SMS: variants seen among roughly 807,000 people sequenced by gnomAD.
The protein encoded by SMS is spermine synthase, also known as spermidine aminopropyltransferase.
Under a neutral mutation model 33.0 loss-of-function variants are expected in SMS, and 3 were observed. The observed-to-expected ratio is 0.09, with a 90% CI of 0.04 to 0.23. SMS has a LOEUF of 0.23. Among genes scored for constraint, SMS ranks in the 10% least tolerant of loss-of-function variants. The pLI, the probability that SMS is intolerant of heterozygous loss-of-function variation, is 1.00. For synonymous variants in SMS, 103 were observed against 112.2 expected, an observed-to-expected ratio of 0.92 and a Z score of 0.52; for missense variants, 117 against 288.6, an observed-to-expected ratio of 0.41 and a Z score of 4.31.
chrX:21,952,177 C>T (rs1922648916), intron 1 of SMS, among the ~76,000 whole-genome samples: 1 of 111,634 alleles, frequency 9.0e-6, no homozygotes, highest in South Asian at 3.7e-4. Flanking sequence ...TGAGAACAGA[C>T]ATCCTTGCCT....
rs1260210326 is a variant in SMS at position 21,980,429 on chromosome X, A to AAAATATATATAT, written c.750+1464_750+1465insAATATATATATA. ...GAGACTGTCTCCAAAAAAAAAAAAA[A>AAAATATATATAT]ATATATATATATATATATATATATT... On this transcript the variant is annotated intron_variant, in intron 7 of 10. Transcript: ENST00000404933. Among the ~76,000 whole-genome samples the AAAATATATATAT allele has an allele frequency of 1.4e-3, 90 of 63,027 alleles. 1 individual carries two copies. Among genetic ancestry groups the AAAATATATATAT allele is most frequent in the East Asian group, 2.0e-3 (3 of 1,538 alleles). The allele number at this position is 63,027 out of a possible 115,157, so 54.7% of individuals were successfully genotyped here.
chrX:21,940,723 C>A lies in SMS; in HGVS notation c.-102C>A. The A allele has an allele frequency of 1.5e-6, 1 of 675,148 alleles. No individual in the cohort carries two copies. Among genetic ancestry groups the A allele is most frequent in the Non-Finnish European group, 2.1e-6 (1 of 466,060 alleles). The allele number at this position is 675,148 out of a possible 1,213,427, so 55.6% of individuals were successfully genotyped here. A position where few individuals can be genotyped will look rare whatever the true frequency, so the allele number is the denominator to read the frequency against. On this transcript the variant is annotated 5_prime_UTR_variant, in exon 1 of 11. Coordinates refer to ENST00000404933, the MANE Select transcript of SMS (RefSeq NM_004595.5). ...TCCCACCTCCTAGTCCTGGCCTCCC[C>A]GGGCGCAGCACACTCCCAGCCGGCC...
chrX:21,994,575 C>T lies in SMS; in HGVS notation c.*224C>T, dbSNP rs759812669. 3.0e-4 allele frequency: 294 copies of T among 996,049 alleles called. No homozygotes were observed. Among genetic ancestry groups the T allele is most frequent in the Non-Finnish European group, 3.6e-4 (284 of 793,414 alleles). 82.1% of individuals were successfully genotyped at this position (996,049 alleles called of 1,213,427 possible). A position where few individuals can be genotyped will look rare whatever the true frequency, so the allele number is the denominator to read the frequency against. On this transcript the variant is annotated 3_prime_UTR_variant, in exon 11 of 11. Transcript: ENST00000404933. The stretch of plus-strand genomic sequence containing the variant: ...GCTGAAGGATGGTTAGACAGCACAG[C>T]GAAGACTGCTAAATGCACTGACCCC...
chrX:21,978,868 G>A lies in SMS; in HGVS notation c.661-9G>A. On this transcript the variant is annotated splice_polypyrimidine_tract_variant and intron_variant, in intron 6 of 10. Coordinates refer to ENST00000404933, the MANE Select transcript of SMS (RefSeq NM_004595.5). ...GATATACCCAAATTCTCCTTAACCT[G>A]TTGCGGACATTGACCAAATGGTGAT... 1 of 1,178,665 alleles carries A rather than the reference G, an allele frequency of 8.5e-7. No homozygotes were observed. Among genetic ancestry groups the A allele is most frequent in the South Asian group, 1.8e-5 (1 of 56,260 alleles).
At chrX:21,944,546 G>GAGA (rs1922074656) in intron 1 of SMS, among the ~76,000 whole-genome samples, 1 of 66,664 alleles carries the variant, frequency 1.5e-5, no homozygotes, top group Non-Finnish European at 2.9e-5. Flanking sequence ...AAAAAAAAAA[G>GAGA]AAAAAAAATT....
Position 21,954,883 on chromosome X carries a change from A to G in SMS, c.50-12313A>G, listed in dbSNP as rs765495302. Among the ~76,000 whole-genome samples, 8 of 111,118 alleles carry G rather than the reference A, an allele frequency of 7.2e-5. No individual in the cohort carries two copies. In the East Asian group the frequency reaches 2.3e-3, roughly 32 times the overall value. Reference sequence around the variant, plus strand: ...AGACAGTCTTGCTCTGTTGCCCAGGATGAAGTGCAGTGGCGTGATCTTGGC... The same window carrying G: ...AGACAGTCTTGCTCTGTTGCCCAGGGTGAAGTGCAGTGGCGTGATCTTGGC... On this transcript the variant is annotated intron_variant, in intron 1 of 10. Coordinates refer to ENST00000404933, the MANE Select transcript of SMS (RefSeq NM_004595.5).
At chrX:21,987,162 A>AT (rs1925404887) in intron 9 of SMS, among the ~76,000 whole-genome samples, 1 of 109,755 alleles carries the variant, frequency 9.1e-6, no homozygotes, top group Non-Finnish European at 1.9e-5. Flanking sequence ...CGCCCGGCTG[A>AT]TTTTTTGTAT....
At chrX:21,962,662 T>G (rs1392255621) in intron 1 of SMS, among the ~76,000 whole-genome samples, 1 of 111,421 alleles carries the variant, frequency 9.0e-6, no homozygotes, top group Non-Finnish European at 1.9e-5. Context: ...GTGATTATTA[T>G]TACTTATTTT....
intron 9 of SMS, among the ~76,000 whole-genome samples, chrX:21,990,237 C>T (rs1925668509): frequency 8.9e-6 from 1 of 112,257 alleles, no homozygotes; most frequent in African/African-American, 3.2e-5. Context: ...GAGTTTGAGG[C>T]TGCACTGAGC....
chrX:21,992,834 G>C, intron 10 of SMS, 122 bp downstream of exon 10: 1 of 427,328 alleles, frequency 2.3e-6, no homozygotes, highest in Non-Finnish European at 4.1e-6. Context: ...ATAAAGCCCT[G>C]GTTCTCCAGC....
intron 1 of SMS, among the ~76,000 whole-genome samples, chrX:21,946,399 C>A (rs1922232925): frequency 8.9e-6 from 1 of 112,759 alleles, no homozygotes; most frequent in Non-Finnish European, 1.9e-5. Context: ...GCCACAGGGG[C>A]TAAGTGCCCT....
At chrX:21,990,953 G>T (rs1244697438) in intron 9 of SMS, among the ~76,000 whole-genome samples, 1 of 112,042 alleles carries the variant, frequency 8.9e-6, no homozygotes, top group African/African-American at 3.3e-5. Flanking sequence ...CTAGATGATG[G>T]GTTACTAAAC....
At chrX:21,959,892 T>C in intron 1 of SMS, 1 of 752,968 alleles carries the variant, frequency 1.3e-6, no homozygotes, top group Non-Finnish European at 1.6e-6. Context: ...GCACACCATC[T>C]TCCCGTGGAG....
At position 21,972,503 on chromosome X, in the gene SMS, G is replaced by A. The variant is rs1163042609; in HGVS notation, c.265-4G>A. On this transcript the variant is annotated splice_polypyrimidine_tract_variant and splice_region_variant and intron_variant, in intron 3 of 10. Transcript: ENST00000404933. The stretch of plus-strand genomic sequence containing the variant: ...AAGCCCATTGATTTTTCTTTTAATT[G>A]TAGATTTTGAACAAAGTAGAGGAAA... The A allele has an allele frequency of 2.6e-6, 3 of 1,163,631 alleles. No homozygotes were observed. Among genetic ancestry groups the A allele is most frequent in the African/African-American group, 3.6e-5 (2 of 56,259 alleles).
rs769145339 is a variant in SMS at position 21,965,738 on chromosome X, A to G, written c.50-1458A>G. Among the ~76,000 whole-genome samples the G allele has an allele frequency of 2.9e-4, 32 of 108,779 alleles. No individual in the cohort carries two copies. The East Asian group carries it at 8.5e-3, about 29-fold the overall frequency. 94.5% of individuals were successfully genotyped at this position (108,779 alleles called of 115,157 possible). On this transcript the variant is annotated intron_variant, in intron 1 of 10. Transcript: ENST00000404933. ...ACTCCAGCCTGGGCTACAGAGCCAG[A>G]CTCTGTCTCAAAATAAAATAAAATA...
At chrX:21,983,044 A>T (rs867928867) in intron 7 of SMS, among the ~76,000 whole-genome samples, 69 of 109,881 alleles carry the variant, frequency 6.3e-4, no homozygotes, top group Non-Finnish European at 8.9e-4. Context: ...ACTTTTTTTA[A>T]TTTTTTTTGA....
chrX:21,991,528 T>C (rs1265019654), intron 9 of SMS, among the ~76,000 whole-genome samples: 1 of 112,240 alleles, frequency 8.9e-6, no homozygotes, highest in African/African-American at 3.2e-5. Flanking sequence ...TTCAGTAGTC[T>C]TGTGAATACC....
chrX:21,940,735 A>T lies in SMS; in HGVS notation c.-90A>T. 1 of 756,338 alleles carries T rather than the reference A, an allele frequency of 1.3e-6. No individual in the cohort carries two copies. The highest frequency in any genetic ancestry group is 1.9e-6 in the Non-Finnish European group (1 of 538,807). 62.3% of individuals were successfully genotyped at this position (756,338 alleles called of 1,213,427 possible). ...GTCCTGGCCTCCCCGGGCGCAGCAC[A>T]CTCCCAGCCGGCCGCAGCCTGACAC... On this transcript the variant is annotated 5_prime_UTR_variant, in exon 1 of 11. Transcript: ENST00000404933.
chrX:21,980,429 A>AAATATAT (rs1260210326), intron 7 of SMS, among the ~76,000 whole-genome samples: 49 of 63,044 alleles, frequency 7.8e-4, no homozygotes, highest in South Asian at 1.5e-3. Context: ...AAAAAAAAAA[A>AAATATAT]ATATATATAT....
Sources: allele counts gnomAD v4.1 joint callset (sites outside exome capture counted in the v4.1 genomes callset), GRCh38; gene constraint gnomAD v4.1.1; transcripts MANE v1.5; gene names NCBI Gene and HGNC (gene_info 2026-07-23, HGNC 2026-07-21).